KLRD1: variants seen among roughly 807,000 people sequenced by gnomAD.
KLRD1 encodes killer cell lectin like receptor D1, also known as natural killer cells antigen CD94.
KLRD1 carries 21 observed loss-of-function variants against 22.6 expected under a neutral mutation model. That is an observed-to-expected ratio of 0.93 (90% confidence interval 0.66 to 1.34). The LOEUF is 1.34. Among genes scored for constraint, KLRD1 ranks in the 40% most tolerant of loss-of-function variants. KLRD1 has a pLI of 0.00. For missense variants in KLRD1, 183 were observed against 208.6 expected, an observed-to-expected ratio of 0.88 and a Z score of 0.76; for synonymous variants, 59 against 71.1, an observed-to-expected ratio of 0.83 and a Z score of 0.85.
In KLRD1 at chr12:10,323,509, C is replaced by T. The variant is rs576095519; in HGVS notation, c.*8716C>T. ...TTTAGCCATTATTTATTTTTAACAG[C>T]GCTGTTGCAGTATAATTGAGATACT... On this transcript the variant is annotated 3_prime_UTR_variant, in exon 6 of 6. Transcript: ENST00000336164. The T allele has an allele frequency of 4.0e-5, 6 of 151,756 alleles. No individual in the cohort carries two copies. The highest frequency in any genetic ancestry group is 4.2e-4 in the South Asian group (2 of 4,804). The allele number at this position is 151,756 out of a possible 1,614,324, so 9.4% of individuals were successfully genotyped here.
intron 1 of KLRD1, among the ~76,000 whole-genome samples, chr12:10,252,003 A>G (rs1592026256): frequency 6.6e-6 from 1 of 152,182 alleles, no homozygotes; most frequent in Admixed American, 6.5e-5. Context: ...GGTCTGGTCA[A>G]TTACACATTT....
In KLRD1 at chr12:10,320,715, C is replaced by T. The variant is rs1950304607; in HGVS notation, c.*5922C>T. 1 of 150,838 alleles carries T rather than the reference C, an allele frequency of 6.6e-6. No individual in the cohort carries two copies. The highest frequency in any genetic ancestry group is 2.5e-5 in the African/African-American group (1 of 40,184). The allele number at this position is 150,838 out of a possible 1,614,324, so 9.3% of individuals were successfully genotyped here. ...GAGCAAAGATCCAATCTAGAGTGCT[C>T]TCAGGAAAGCATGATTCTAAACAAG... is the stretch of plus-strand genomic sequence containing the variant. On this transcript the variant is annotated 3_prime_UTR_variant, in exon 6 of 6. Coordinates refer to ENST00000336164, the MANE Select transcript of KLRD1 (RefSeq NM_002262.5).
Position 10,316,517 on chromosome 12 carries a change from C to A in KLRD1, c.*1724C>A, listed in dbSNP as rs1222682420. On this transcript the variant is annotated 3_prime_UTR_variant, in exon 6 of 6. Coordinates refer to ENST00000336164, the MANE Select transcript of KLRD1 (RefSeq NM_002262.5). ...TCCCAGGCTCAAGGGATCCTCCCACCTCAGCCTTCTGAGTACTTGGGACTC... is the reference window on the plus strand; with the variant it reads ...TCCCAGGCTCAAGGGATCCTCCCACATCAGCCTTCTGAGTACTTGGGACTC... 1 of 149,488 alleles carries A rather than the reference C, an allele frequency of 6.7e-6. No individual in the cohort carries two copies. Among genetic ancestry groups the A allele is most frequent in the Non-Finnish European group, 1.5e-5 (1 of 68,034 alleles). The allele number at this position is 149,488 out of a possible 1,614,324, so 9.3% of individuals were successfully genotyped here. A position where few individuals can be genotyped will look rare whatever the true frequency, so the allele number is the denominator to read the frequency against.
intron 4 of KLRD1, among the ~76,000 whole-genome samples, chr12:10,312,046 CTTTTCT>C (rs913031544): frequency 2.3e-5 from 3 of 128,476 alleles, no homozygotes; most frequent in Non-Finnish European, 3.3e-5. Flanking sequence ...CAATTCTTTT[CTTTTCT>C]TTTTTTTTTT....
chr12:10,275,595 G>T (rs1949585765), intron 1 of KLRD1, among the ~76,000 whole-genome samples: 2 of 152,140 alleles, frequency 1.3e-5, no homozygotes, highest in Middle Eastern at 3.2e-3. Context: ...TGTAGTTAGG[G>T]TTAGGTGTTG....
At chr12:10,301,004 G>T (rs1032055541), upstream of KLRD1, among the ~76,000 whole-genome samples, 5 of 151,998 alleles carry the variant, frequency 3.3e-5, no homozygotes, top group African/African-American at 1.2e-4. Context: ...ATTAGGCTTT[G>T]GTTTAAGGGA....
At chr12:10,287,155 C>CT (rs79373669) in intron 1 of KLRD1, among the ~76,000 whole-genome samples, 3,031 of 150,730 alleles carry the variant, frequency 0.02, 89 homozygotes, top group African/African-American at 0.067. Flanking sequence ...ACAAAACCCT[C>CT]TTTTTTTTTA....
chr12:10,320,277 A>G lies in KLRD1; in HGVS notation c.*5484A>G, dbSNP rs1311420671. The G allele has an allele frequency of 1.3e-5, 2 of 150,376 alleles. No homozygotes were observed. The highest frequency in any genetic ancestry group is 6.7e-5 in the Admixed American group (1 of 15,034). The allele number at this position is 150,376 out of a possible 1,614,324, so 9.3% of individuals were successfully genotyped here. On this transcript the variant is annotated 3_prime_UTR_variant, in exon 6 of 6. Coordinates refer to ENST00000336164, the MANE Select transcript of KLRD1 (RefSeq NM_002262.5). ...ACTATTATAAAGAAAAAAAAAAACCACTAAAATTTTGGAGTGCTTGAAAAC... is the reference window on the plus strand; with the variant it reads ...ACTATTATAAAGAAAAAAAAAAACCGCTAAAATTTTGGAGTGCTTGAAAAC...
At position 10,324,818 on chromosome 12, in the gene KLRD1, G is replaced by GTGTGTGTGTGTATATATA. The variant is rs750696767; in HGVS notation, c.*10026_*10027insGTGTGTGTGTATATATAT. 79 of 74,148 alleles carry GTGTGTGTGTGTATATATA rather than the reference G, an allele frequency of 1.1e-3. No individual in the cohort carries two copies. The highest frequency in any genetic ancestry group is 2.0e-3 in the Non-Finnish European group (76 of 37,688). The allele number at this position is 74,148 out of a possible 1,614,324, so 4.6% of individuals were successfully genotyped here. On this transcript the variant is annotated 3_prime_UTR_variant, in exon 6 of 6. Coordinates refer to ENST00000336164, the MANE Select transcript of KLRD1 (RefSeq NM_002262.5). ...AGTATATATGTATATGTGTGTGTGT[G>GTGTGTGTGTGTATATATA]TATATATATATATATATATATATAT...
intron 1 of KLRD1, among the ~76,000 whole-genome samples, chr12:10,254,007 A>G (rs2137622494): frequency 6.6e-6 from 1 of 152,316 alleles, no homozygotes; most frequent in Non-Finnish European, 1.5e-5. Context: ...CCTAGGCAAT[A>G]CCATCTTGGA....
intron 1 of KLRD1, among the ~76,000 whole-genome samples, chr12:10,284,193 CAACAGT>C (rs557240548): frequency 0.066 from 1,709 of 25,872 alleles, 42 homozygotes; most frequent in African/African-American, 0.086. Flanking sequence ...TCTCAAAAAA[CAACAGT>C]AACAACAACA....
chr12:10,313,301 T>G, intron 4 of KLRD1, 109 bp from the exon 5 acceptor site: 3 of 549,352 alleles, frequency 5.5e-6, no homozygotes, highest in Non-Finnish European at 9.5e-6. Context: ...TTTCCGTTTG[T>G]GTGATGGACA....
upstream of KLRD1, among the ~76,000 whole-genome samples, chr12:10,306,207 T>C (rs7311814): frequency 4.9e-3 from 747 of 151,578 alleles, 7 homozygotes; most frequent in African/African-American, 0.017. Context: ...ACAATCAGAG[T>C]TGGCAGCTCA....
chr12:10,266,209 C>T (rs938778505), intron 1 of KLRD1, among the ~76,000 whole-genome samples: 3 of 152,034 alleles, frequency 2.0e-5, no homozygotes, highest in African/African-American at 7.2e-5. Flanking sequence ...TGTATGTGTA[C>T]ATACATACTT....
At chr12:10,268,565 T>C (rs1461997945) in intron 1 of KLRD1, among the ~76,000 whole-genome samples, 1 of 152,172 alleles carries the variant, frequency 6.6e-6, no homozygotes, top group Non-Finnish European at 1.5e-5. Context: ...TTCTTTCCAG[T>C]AGTTTCTTTT....
At position 10,312,369 on chromosome 12, in the gene KLRD1, TTTTGTTTG is replaced by T. The variant is rs369950859; in HGVS notation, c.315+775_315+782del. Among the ~76,000 whole-genome samples, 53 of 144,204 alleles carry T rather than the reference TTTTGTTTG, an allele frequency of 3.7e-4. No individual in the cohort carries two copies. In the East Asian group the frequency reaches 5.5e-3, roughly 15 times the overall value. The allele number at this position is 144,204 out of a possible 152,430, so 94.6% of individuals were successfully genotyped here. ...GCCTGGCCCTAATTACCCAATTCTT[TTTTGTTTG>T]TTTGTTTGTTTGTTTGTTTGAGATG... is the stretch of plus-strand genomic sequence containing the variant. On this transcript the variant is annotated intron_variant, in intron 4 of 5. Coordinates refer to ENST00000336164, the MANE Select transcript of KLRD1 (RefSeq NM_002262.5).
intron 1 of KLRD1, among the ~76,000 whole-genome samples, chr12:10,241,303 T>G (rs771953904): frequency 6.6e-5 from 10 of 152,210 alleles, no homozygotes; most frequent in Non-Finnish European, 1.3e-4. Flanking sequence ...GGAGAAGTAC[T>G]TGATTCTTTT....
At chr12:10,240,441 A>C (rs892992812) in intron 1 of KLRD1, among the ~76,000 whole-genome samples, 1 of 151,628 alleles carries the variant, frequency 6.6e-6, no homozygotes, top group Non-Finnish European at 1.5e-5. Flanking sequence ...TCTGACCATG[A>C]TGAAATTAGT....
At chr12:10,311,084 C>T (rs1950056384) in intron 3 of KLRD1, among the ~76,000 whole-genome samples, 1 of 152,110 alleles carries the variant, frequency 6.6e-6, no homozygotes. Context: ...CTAGTTAACT[C>T]CTATTTATGC....
Sources: gnomAD v4.1 joint callset for allele counts (sites outside exome capture counted in the v4.1 genomes callset) on GRCh38, gnomAD v4.1.1 for gene constraint, MANE v1.5 for transcripts, NCBI Gene and HGNC (gene_info 2026-07-23, HGNC 2026-07-21) for gene names.